Variants in RNF214 observed in about 807,000 individuals in gnomAD.
The protein encoded by RNF214 is ring finger protein 214.
In RNF214, 25 loss-of-function variants were observed where a neutral mutation model predicts 75.9. The observed-to-expected ratio is 0.33, with a 90% CI of 0.24 to 0.46. The LOEUF is 0.46. Ranked by LOEUF, RNF214 falls within the 20% of genes least tolerant of loss-of-function variation. The pLI, the probability that RNF214 is intolerant of heterozygous loss-of-function variation, is 1.00. For synonymous variants in RNF214, 314 were observed against 308.8 expected (o/e 1.02, Z -0.18); for missense variants, 725 against 857.5 (o/e 0.85, Z 1.93).
chr11:117,260,716 G>A (rs930882278), intron 6 of RNF214, among the ~76,000 whole-genome samples: 6 of 147,008 alleles, frequency 4.1e-5, no homozygotes, highest in African/African-American at 7.6e-5. Flanking sequence ...CAATAATGGC[G>A]CGATCTTGGC....
At chr11:117,279,050 T>A (rs1477078634) in intron 6 of RNF214, among the ~76,000 whole-genome samples, 1 of 152,104 alleles carries the variant, frequency 6.6e-6, no homozygotes, top group Non-Finnish European at 1.5e-5. Context: ...TGAACCAAGG[T>A]CATAGCACTG....
chr11:117,267,043 T>C (rs887969134), intron 6 of RNF214, among the ~76,000 whole-genome samples: 2 of 151,406 alleles, frequency 1.3e-5, no homozygotes, highest in African/African-American at 2.4e-5. Context: ...GCACTCGCTG[T>C]GGTGCCCAGG....
chr11:117,276,000 CA>C (rs1461137993), intron 6 of RNF214, among the ~76,000 whole-genome samples: 1 of 152,160 alleles, frequency 6.6e-6, no homozygotes, highest in Non-Finnish European at 1.5e-5. Flanking sequence ...AAAGTACTAG[CA>C]AAACCAAATT....
At chr11:117,251,050 A>G (rs1454237460) in intron 6 of RNF214, among the ~76,000 whole-genome samples, 1 of 149,466 alleles carries the variant, frequency 6.7e-6, no homozygotes, top group Non-Finnish European at 1.5e-5. Context: ...CAATTTCTCA[A>G]TCTTTTCCCC....
chr11:117,239,306 A>G (rs1431341713), intron 3 of RNF214, 195 bp downstream of exon 3: 2 of 597,042 alleles, frequency 3.3e-6, no homozygotes, highest in Non-Finnish European at 5.8e-6. Flanking sequence ...TAAGAAAGCC[A>G]GTAGCCATTG....
intron 4 of RNF214, among the ~76,000 whole-genome samples, chr11:117,243,996 T>C (rs1023789986): frequency 6.6e-6 from 1 of 152,204 alleles, no homozygotes; most frequent in African/African-American, 2.4e-5. Context: ...CCGGACGCTT[T>C]TTTGAGACAG....
chr11:117,265,374 A>G (rs1026893481), intron 6 of RNF214, among the ~76,000 whole-genome samples: 3 of 152,124 alleles, frequency 2.0e-5, no homozygotes, highest in Non-Finnish European at 4.4e-5. Context: ...TTTTAGAGTC[A>G]TAATTGTAGA....
At chr11:117,273,477 A>AC (rs2033951405) in intron 6 of RNF214, among the ~76,000 whole-genome samples, 1 of 67,950 alleles carries the variant, frequency 1.5e-5, no homozygotes, top group South Asian at 1.1e-3. Context: ...TGTATGTTGT[A>AC]TGGGGAAGAG....
At chr11:117,249,127 G>A (rs904096425) in intron 6 of RNF214, among the ~76,000 whole-genome samples, 16 of 152,050 alleles carry the variant, frequency 1.1e-4, no homozygotes, top group African/African-American at 1.4e-4. Context: ...AATCTCACTC[G>A]TTGACCAGGC....
chr11:117,238,779 A>G lies in RNF214; in HGVS notation c.286A>G (p.Thr96Ala), dbSNP rs1475905759. The G allele has an allele frequency of 1.9e-6, 3 of 1,614,222 alleles. No individual in the cohort carries two copies. Among genetic ancestry groups the G allele is most frequent in the East Asian group, 4.5e-5 (2 of 44,890 alleles). ...GGTTTTAGGAGAAAACTTGATAGCC[A>G]CAGCCCTTTGTCTTTCTGGCAGTGG... ...QVVLGENLIA[T>A]ALCLSGSGSQ... The change falls in exon 3 of 15, where the codon ACA becomes GCA. Residue 96 changes from threonine to alanine, a missense_variant. By Grantham distance (58) the Thr-to-Ala change is moderately conservative (BLOSUM62 0). Around this residue, in one of 2 missense-constraint regions of RNF214, gnomAD observed 362 missense variants for 344.5 expected, o/e 1.05. Coordinates refer to ENST00000300650, the MANE Select transcript of RNF214 (RefSeq NM_207343.4).
chr11:117,249,067 C>T (rs1437581177), intron 6 of RNF214, among the ~76,000 whole-genome samples: 1 of 151,900 alleles, frequency 6.6e-6, no homozygotes, highest in Non-Finnish European at 1.5e-5. Context: ...GGATTACAGG[C>T]GAGTGCCATC....
At chr11:117,278,031 G>A (rs1241158365) in intron 6 of RNF214, among the ~76,000 whole-genome samples, 2 of 151,784 alleles carry the variant, frequency 1.3e-5, no homozygotes, top group South Asian at 2.1e-4. Context: ...TTGGCCGGGC[G>A]CAGAGGCTCA....
At chr11:117,247,094 C>A in intron 6 of RNF214, 146 bp downstream of exon 6, 3 of 596,550 alleles carry the variant, frequency 5.0e-6, no homozygotes, top group South Asian at 4.1e-5. Context: ...ATGACTTTAG[C>A]TTTTTCAGTA....
chr11:117,250,609 ATT>A, intron 6 of RNF214, among the ~76,000 whole-genome samples: 1 of 63,158 alleles, frequency 1.6e-5, no homozygotes, highest in East Asian at 1.6e-3. Flanking sequence ...TTATTTATTT[ATT>A]TTTTTTTTAA....
Position 117,246,850 on chromosome 11 carries a change from A to C in RNF214, c.861A>C (p.Glu287Asp), listed in dbSNP as rs2033238315. The C allele has an allele frequency of 6.2e-7, 1 of 1,612,930 alleles. No individual in the cohort carries two copies. Among genetic ancestry groups the C allele is most frequent in the East Asian group, 2.2e-5 (1 of 44,856 alleles). The change falls in exon 6 of 15, where the codon GAA (glutamate) becomes GAC (aspartate). Residue 287 changes from glutamate (E) to aspartate (D), a missense_variant. By Grantham distance (45) the Glu-to-Asp change is conservative. Coordinates refer to ENST00000300650, the MANE Select transcript of RNF214 (RefSeq NM_207343.4). Reference sequence around the variant, plus strand: ...TTCAGGATGTGACAATAAAGCGGGAAGAAACAAAGAAGAAGATAGAGAAAG... The same window carrying C: ...TTCAGGATGTGACAATAAAGCGGGACGAAACAAAGAAGAAGATAGAGAAAG... ...KAIQDVTIKR[E>D]ETKKKIEKEK...
Position 117,234,298 on chromosome 11 carries a change from T to G in RNF214, c.26T>G (p.Val9Gly), listed in dbSNP as rs1000643333. The G allele has an allele frequency of 1.2e-5, 20 of 1,614,082 alleles. No homozygotes were observed. The highest frequency in any genetic ancestry group is 2.7e-5 in the African/African-American group (2 of 74,954). Residue 9 changes from valine to glycine, a missense_variant, in exon 2 of 15, where the codon GTT becomes GGT. Coordinates refer to ENST00000300650, the MANE Select transcript of RNF214 (RefSeq NM_207343.4). ...ATGGCAGCGTCTGAGGTTGCTGGTG[T>G]TGTGGCCAATGCCCCCAGTCCTCCG... MAASEVAG[V>G]VANAPSPPES... is the part of the protein sequence containing the mutation.
In RNF214 at chr11:117,283,157, G is replaced by A. The variant is rs772228026; in HGVS notation, c.1993G>A (p.Val665Ile). Residue 665 changes from valine to isoleucine, a missense_variant, in exon 14 of 15, where the codon GTC (valine) becomes ATC (isoleucine). Around this residue, in one of 2 missense-constraint regions of RNF214, gnomAD observed 363 missense variants for 513.0 expected, o/e 0.71. Transcript: ENST00000300650. ...CKLCLMCQKL[V>I]QPSELHPMAC... The stretch of plus-strand genomic sequence containing the variant: ...GCTATGTCTAATGTGCCAGAAACTC[G>A]TCCAGCCCAGTGAGCTGCATCCAAT... The A allele has an allele frequency of 8.1e-6, 13 of 1,613,938 alleles. No individual in the cohort carries two copies. Among genetic ancestry groups the A allele is most frequent in the South Asian group, 3.3e-5 (3 of 91,080 alleles).
chr11:117,274,512 A>G (rs993549063), intron 6 of RNF214, among the ~76,000 whole-genome samples: 50 of 150,578 alleles, frequency 3.3e-4, no homozygotes, highest in African/African-American at 1.0e-3. Context: ...ACAGGTGCCC[A>G]CTACCACACT....
Position 117,234,142 on chromosome 11 carries a change from G to A in RNF214, c.-6-125G>A, listed in dbSNP as rs1156832990. 2.0e-5 allele frequency: 14 copies of A among 697,650 alleles called. No homozygotes were observed. In the East Asian group the frequency reaches 2.0e-4, roughly 10 times the overall value. The allele number at this position is 697,650 out of a possible 1,614,324, so 43.2% of individuals were successfully genotyped here. On this transcript the variant is annotated intron_variant, in intron 1 of 14. Transcript: ENST00000300650. ...TTAGTACTCTTAAGTATTTTCTCCCGGAGCCCAGGTTTTTGTGTTTCTTTA... is the reference window on the plus strand; with the variant it reads ...TTAGTACTCTTAAGTATTTTCTCCCAGAGCCCAGGTTTTTGTGTTTCTTTA...
Sources: gnomAD v4.1 joint callset for allele counts (sites outside exome capture counted in the v4.1 genomes callset) on GRCh38, gnomAD v4.1.1 for gene constraint, gnomAD v4.1.1 regional missense constraint, MANE v1.5 for transcripts, NCBI Gene and HGNC (gene_info 2026-07-23, HGNC 2026-07-21) for gene names.